PDE4D: variants seen among roughly 807,000 people sequenced by gnomAD.
PDE4D encodes the protein phosphodiesterase 4D.
PDE4D carries 24 observed loss-of-function variants against 87.4 expected under a neutral mutation model. The ratio of observed to expected loss-of-function variants is 0.27; its 90% CI spans 0.20 to 0.39. The LOEUF (loss-of-function observed/expected upper bound fraction) is 0.39. Ranked by LOEUF, PDE4D falls within the 10% of genes least tolerant of loss-of-function variation. PDE4D has a pLI of 1.00. For synonymous variants in PDE4D, 384 were observed against 383.2 expected (o/e 1.00, Z -0.02); for missense variants, 714 against 1,041.0 (o/e 0.69, Z 4.32).
rs185801406 is a variant in PDE4D at position 59,386,334 on chromosome 5, G to T, written c.456-170366C>A. ...TAATAAAAACAAGAAAAAGACTAGA[G>T]AGTCAAATAATTTGTAAATATGGCT... On this transcript the variant is annotated intron_variant, in intron 1 of 14. Coordinates refer to ENST00000340635, the MANE Select transcript of PDE4D (RefSeq NM_001104631.2). 9.2e-5 allele frequency among the ~76,000 whole-genome samples: 14 copies of T among 152,266 alleles called. No homozygotes were observed. In the East Asian group the frequency reaches 2.7e-3, roughly 29 times the overall value.
At chr5:60,365,408 G>T (rs906784575) in intron 1 of PDE4D, among the ~76,000 whole-genome samples, 2 of 152,030 alleles carry the variant, frequency 1.3e-5, no homozygotes, top group Non-Finnish European at 2.9e-5. Flanking sequence ...ATTGACAGTG[G>T]CCACTCCCTA....
intron 1 of PDE4D, among the ~76,000 whole-genome samples, chr5:59,683,482 T>C (rs1749362251): frequency 6.6e-6 from 1 of 152,226 alleles, no homozygotes; most frequent in African/African-American, 2.4e-5. Flanking sequence ...CAACTAGTTA[T>C]AACTATTTTC....
At chr5:59,069,786 A>C (rs926324260) in intron 5 of PDE4D, among the ~76,000 whole-genome samples, 1 of 152,130 alleles carries the variant, frequency 6.6e-6, no homozygotes, top group Non-Finnish European at 1.5e-5. Context: ...AATGTTATAA[A>C]ATTAAAATGT....
At chr5:60,040,897 G>A (rs1165627961) in intron 2 of PDE4D, among the ~76,000 whole-genome samples, 2 of 152,218 alleles carry the variant, frequency 1.3e-5, no homozygotes, top group East Asian at 1.9e-4. Flanking sequence ...ACAATTAAGT[G>A]AGCCCGAATT....
intron 1 of PDE4D, among the ~76,000 whole-genome samples, chr5:59,823,475 A>G (rs1769951625): frequency 6.6e-6 from 1 of 152,138 alleles, no homozygotes; most frequent in African/African-American, 2.4e-5. Flanking sequence ...AGAGGAGTCG[A>G]CCAGCTTGGC....
At chr5:60,410,812 G>T (rs1741982739) in intron 1 of PDE4D, among the ~76,000 whole-genome samples, 1 of 152,154 alleles carries the variant, frequency 6.6e-6, no homozygotes, top group Non-Finnish European at 1.5e-5. Flanking sequence ...CTTGATACAG[G>T]CTCTGTGATA....
chr5:60,241,786 A>G (rs1747159975), intron 1 of PDE4D, among the ~76,000 whole-genome samples: 3 of 152,178 alleles, frequency 2.0e-5, no homozygotes, highest in Admixed American at 2.0e-4. Context: ...AGAAAAGAGT[A>G]TCAATATCCA....
chr5:59,865,877 T>C (rs1050516333), intron 1 of PDE4D, among the ~76,000 whole-genome samples: 11 of 152,230 alleles, frequency 7.2e-5, no homozygotes, highest in Non-Finnish European at 1.3e-4. Context: ...CATGTAACTA[T>C]AGTAAAGTGT....
intron 3 of PDE4D, among the ~76,000 whole-genome samples, chr5:59,980,878 G>A (rs1039610294): frequency 6.6e-6 from 1 of 152,148 alleles, no homozygotes; most frequent in African/African-American, 2.4e-5. Flanking sequence ...GAATTGCCCT[G>A]ATTCTGGAAA....
intron 1 of PDE4D, among the ~76,000 whole-genome samples, chr5:59,475,924 A>G (rs947468423): frequency 1.3e-5 from 2 of 152,064 alleles, no homozygotes; most frequent in Admixed American, 6.6e-5. Flanking sequence ...TATTAATACC[A>G]TATAAAATAG....
In PDE4D at chr5:60,513,263, T is replaced by C. The variant is rs530326777; in HGVS notation, n.70+8788A>G. 6.6e-5 allele frequency among the ~76,000 whole-genome samples: 10 copies of C among 152,264 alleles called. No homozygotes were observed. In the South Asian group the frequency reaches 2.1e-3, roughly 32 times the overall value. On this transcript the variant is annotated intron_variant and non_coding_transcript_variant, in intron 1 of 2. Transcript: ENST00000506510. ...GGTGAAAAGAATAGAAAGAGGTCGC[T>C]ATGCAGGCACTACCCCAGAATAAAG...
chr5:60,019,573 C>CT (rs1195386688), intron 2 of PDE4D, among the ~76,000 whole-genome samples: 1 of 152,224 alleles, frequency 6.6e-6, no homozygotes, highest in African/African-American at 2.4e-5. Context: ...TCACCTTTTA[C>CT]TTTGATGTTA....
intron 1 of PDE4D, among the ~76,000 whole-genome samples, chr5:60,264,469 CT>C (rs1205352254): frequency 1.3e-5 from 2 of 152,218 alleles, no homozygotes; most frequent in East Asian, 3.9e-4. Flanking sequence ...CTCATTGTTG[CT>C]GGTAACAGCC....
chr5:59,277,668 G>A (rs1436053620), intron 1 of PDE4D, among the ~76,000 whole-genome samples: 1 of 152,134 alleles, frequency 6.6e-6, no homozygotes, highest in Non-Finnish European at 1.5e-5. Context: ...AATGATCAGA[G>A]AATGTAATGT....
chr5:59,479,544 A>C (rs1311927691), intron 1 of PDE4D, among the ~76,000 whole-genome samples: 1 of 152,094 alleles, frequency 6.6e-6, no homozygotes, highest in African/African-American at 2.4e-5. Flanking sequence ...TTTCAAACAG[A>C]GCTCATGACC....
intron 1 of PDE4D, among the ~76,000 whole-genome samples, chr5:59,481,080 T>C (rs952655029): frequency 1.3e-5 from 2 of 152,064 alleles, no homozygotes; most frequent in Admixed American, 1.3e-4. Flanking sequence ...ATGGCAAATA[T>C]TCCTACACTC....
chr5:59,542,504 G>A (rs1471396875), intron 1 of PDE4D, among the ~76,000 whole-genome samples: 1 of 152,094 alleles, frequency 6.6e-6, no homozygotes. Context: ...CCTCATTTCT[G>A]CACAGAATTT....
rs180741397 is a variant in PDE4D at position 60,050,523 on chromosome 5, C to T, written c.43-61806G>A. Reference sequence around the variant, plus strand: ...CACCACCAGGCCTGCCTTACAAGAGCTCCTGAAGAAAGCACTAAATTTGGA... The same window carrying T: ...CACCACCAGGCCTGCCTTACAAGAGTTCCTGAAGAAAGCACTAAATTTGGA... On this transcript the variant is annotated intron_variant, in intron 2 of 16. Transcript: ENST00000502484. Among the ~76,000 whole-genome samples the T allele has an allele frequency of 3.3e-5, 5 of 152,310 alleles. No individual in the cohort carries two copies. In the East Asian group the frequency reaches 7.7e-4, roughly 23 times the overall value.
At chr5:59,089,340 TTA>T (rs1305482626) in intron 5 of PDE4D, among the ~76,000 whole-genome samples, 1 of 152,220 alleles carries the variant, frequency 6.6e-6, no homozygotes, top group African/African-American at 2.4e-5. Context: ...TTAGTTGACA[TTA>T]TATGTTAGTT....
Sources: gnomAD v4.1 joint callset for allele counts (sites outside exome capture counted in the v4.1 genomes callset) on GRCh38, gnomAD v4.1.1 for gene constraint, MANE v1.5 for transcripts, NCBI Gene and HGNC (gene_info 2026-07-23, HGNC 2026-07-21) for gene names.